The following DOCK7 variants were observed in gnomAD, a reference collection of about 807,000 sequenced individuals.
DOCK7 encodes the protein dedicator of cytokinesis 7, also known as dedicator of cytokinesis protein 7.
In DOCK7, 138 loss-of-function variants were observed where a neutral mutation model predicts 271.0. The observed-to-expected ratio is 0.51, with a 90% CI of 0.44 to 0.59. The LOEUF (loss-of-function observed/expected upper bound fraction) is 0.59. Among genes scored for constraint, DOCK7 ranks in the 20% least tolerant of loss-of-function variants. DOCK7 has a pLI of 0.00. For synonymous variants in DOCK7, 823 were observed against 876.1 expected, an observed-to-expected ratio of 0.94 and a Z score of 1.07; for missense variants, 2,066 against 2,592.4, an observed-to-expected ratio of 0.80 and a Z score of 4.41.
At chr1:62,489,541 A>G (rs934495193) in intron 41 of DOCK7, among the ~76,000 whole-genome samples, 9 of 152,232 alleles carry the variant, frequency 5.9e-5, no homozygotes, top group Non-Finnish European at 7.3e-5. Context: ...TTAAGGTTTA[A>G]TAAAAGAATT....
At chr1:62,562,907 T>C (rs1571555116) in intron 18 of DOCK7, among the ~76,000 whole-genome samples, 2 of 152,122 alleles carry the variant, frequency 1.3e-5, no homozygotes, top group African/African-American at 4.8e-5. Flanking sequence ...CTCGCCTCCC[T>C]ACACTGAATG....
chr1:62,601,078 T>C (rs112292619), intron 14 of DOCK7: 1 of 1,528,784 alleles, frequency 6.5e-7, no homozygotes, highest in South Asian at 1.1e-5. Flanking sequence ...TATTCTTTTA[T>C]CAGCTCAGAA....
intron 14 of DOCK7, among the ~76,000 whole-genome samples, chr1:62,594,179 C>A (rs764639664): frequency 4.9e-4 from 75 of 152,048 alleles, no homozygotes; most frequent in Non-Finnish European, 8.2e-4. Flanking sequence ...TAAATAGGCA[C>A]AAGTTCAAGC....
rs1016315956 is a variant in DOCK7, at chr1:62,485,476, G to A, written c.5508+1922C>T. ...AGATGGGGTTTTCCTGTAAGTTGGG[G>A]AGCAAGTTATCAATTCAAAGAGCCT... On this transcript the variant is annotated intron_variant, in intron 43 of 49. Transcript: ENST00000635253. 6 of 985,224 alleles carry A rather than the reference G, an allele frequency of 6.1e-6. No homozygotes were observed. In the South Asian group the frequency reaches 1.4e-4, roughly 23 times the overall value. 61.0% of individuals were successfully genotyped at this position (985,224 alleles called of 1,614,324 possible).
At chr1:62,475,637 A>T in intron 46 of DOCK7, 70 bp downstream of exon 46, 1 of 1,392,116 alleles carries the variant, frequency 7.2e-7, no homozygotes, top group Non-Finnish European at 1.0e-6. Flanking sequence ...CTTCTGGTAC[A>T]TCTGAGTTGT....
chr1:62,456,225 C>CT (rs1645344043), intron 49 of DOCK7, among the ~76,000 whole-genome samples: 1 of 152,152 alleles, frequency 6.6e-6, no homozygotes, highest in Non-Finnish European at 1.5e-5. Context: ...AGGGACTCCC[C>CT]TCTCATGGGT....
intron 46 of DOCK7, 118 bp downstream of exon 46, chr1:62,475,589 A>G (rs1159257493): frequency 1.8e-6 from 2 of 1,115,634 alleles, no homozygotes; most frequent in South Asian, 1.5e-5. Context: ...AAAATGGGTA[A>G]AGTTCTAATA....
Position 62,583,189 on chromosome 1 carries a change from AT to A in DOCK7, c.1865del (p.His622LeufsTer19). On this transcript the variant is annotated frameshift_variant, in exon 16 of 50. Transcript: ENST00000635253. LOFTEE classifies it high-confidence loss of function. Reference protein sequence around the residue: ...SKEAYTAVVYHNRSPDFHEEI... With the variant: ...SKEAYTAVVYXNRSPDFHEEI... ...GAAATATTTGAATTCAGTACCTGTT[AT>A]GATATACTACGGCTGTATAGGCTTC... The A allele has an allele frequency of 6.2e-7, 1 of 1,611,024 alleles. No individual in the cohort carries two copies. The highest frequency in any genetic ancestry group is 8.5e-7 in the Non-Finnish European group (1 of 1,177,562).
chr1:62,522,151 A>C (rs934709293), intron 31 of DOCK7, among the ~76,000 whole-genome samples: 4 of 152,116 alleles, frequency 2.6e-5, no homozygotes, highest in African/African-American at 9.7e-5. Flanking sequence ...GGAAGAGATA[A>C]TTCTAATCTT....
chr1:62,617,226 A>G (rs1201931943), intron 14 of DOCK7, among the ~76,000 whole-genome samples: 2 of 151,904 alleles, frequency 1.3e-5, no homozygotes, highest in East Asian at 1.9e-4. Flanking sequence ...TTGTTGATGT[A>G]TTTCACTGTA....
Position 62,648,466 on chromosome 1 carries a change from T to C in DOCK7, c.468A>G (p.Gln156=), listed in dbSNP as rs750226687. The change falls in exon 5 of 50, where the codon CAA becomes CAG. Residue 156 remains glutamine, a synonymous_variant. Coordinates refer to ENST00000635253, the MANE Select transcript of DOCK7 (RefSeq NM_001367561.1). ...CTGGAGCTTCATCAGATTCAAAAAC[T>C]TGTTTTGGCAAACCTTTTTGCCTTT... ...QKERQKGLPK[Q]VFESDEAPDG... The C allele has an allele frequency of 2.0e-4, 302 of 1,546,626 alleles. 1 individual carries two copies. Among genetic ancestry groups the C allele is most frequent in the Admixed American group, 4.5e-4 (25 of 55,350 alleles).
chr1:62,488,964 A>T lies in DOCK7; in HGVS notation c.5463T>A (p.Leu1821=), dbSNP rs201081054. The change falls in exon 42 of 50, where the codon CTT becomes CTA. Residue 1821 remains leucine, a synonymous_variant. Coordinates refer to ENST00000635253, the MANE Select transcript of DOCK7 (RefSeq NM_001367561.1). The stretch of plus-strand genomic sequence containing the variant: ...GAACAATTTTGCTGAATGCTTCTTG[A>T]AGTTTACCATGAATTGTGGATAGTT... ...AKKLSTIHGK[L]QEAFSKIVHQ... is the part of the protein sequence containing the mutation. The T allele has an allele frequency of 9.2e-5, 149 of 1,613,722 alleles. No individual in the cohort carries two copies. In the East Asian group the frequency reaches 3.2e-3, roughly 35 times the overall value.
intron 2 of DOCK7, among the ~76,000 whole-genome samples, chr1:62,657,839 T>C (rs1411786586): frequency 4.0e-5 from 6 of 151,632 alleles, no homozygotes; most frequent in African/African-American, 1.2e-4. Flanking sequence ...AAATAGAAAT[T>C]ATCCAATCTG....
At chr1:62,629,392 T>C (rs185129364) in intron 11 of DOCK7, 3 of 152,360 alleles carry the variant, frequency 2.0e-5, no homozygotes, top group Admixed American at 6.5e-5. Flanking sequence ...AGACTATCAT[T>C]TGGCAATAAA....
chr1:62,673,349 G>A lies in DOCK7; in HGVS notation c.39-10219C>T, dbSNP rs547189767. Among the ~76,000 whole-genome samples the A allele has an allele frequency of 3.3e-5, 5 of 152,188 alleles. No individual in the cohort carries two copies. The East Asian group carries it at 5.8e-4, about 18-fold the overall frequency. ...AATTATTTTTACATTAGAAAGCACTGTATTAAGGAGACTTGGATGGCTCTA... is the reference window on the plus strand; with the variant it reads ...AATTATTTTTACATTAGAAAGCACTATATTAAGGAGACTTGGATGGCTCTA... On this transcript the variant is annotated intron_variant, in intron 1 of 49. Coordinates refer to ENST00000635253, the MANE Select transcript of DOCK7 (RefSeq NM_001367561.1).
Position 62,625,183 on chromosome 1 carries a change from C to T in DOCK7, c.1425+76G>A. ...ATCACCCTCCCATACATGTATAGTA[C>T]AATCACTACCTTTCTGAAATTAAAA... On this transcript the variant is annotated intron_variant, in intron 12 of 49. Transcript: ENST00000635253. 2.7e-6 allele frequency: 4 copies of T among 1,482,084 alleles called. No individual in the cohort carries two copies. In the South Asian group the frequency reaches 5.0e-5, roughly 18 times the overall value. The allele number at this position is 1,482,084 out of a possible 1,614,324, so 91.8% of individuals were successfully genotyped here. A position where few individuals can be genotyped will look rare whatever the true frequency, so the allele number is the denominator to read the frequency against.
chr1:62,468,616 T>A (rs138172567), intron 48 of DOCK7, among the ~76,000 whole-genome samples: 1 of 152,162 alleles, frequency 6.6e-6, no homozygotes, highest in African/African-American at 2.4e-5. Context: ...AAAGATGAAG[T>A]CAAGCTGTCA....
intron 18 of DOCK7, among the ~76,000 whole-genome samples, chr1:62,564,015 A>C (rs541922594): frequency 3.9e-5 from 6 of 152,138 alleles, no homozygotes; most frequent in Non-Finnish European, 7.4e-5. Flanking sequence ...CAATAACAAG[A>C]GCTAACTAAC....
Position 62,491,224 on chromosome 1 carries a change from G to A in DOCK7, c.5361+1480C>T, listed in dbSNP as rs550660281. Among the ~76,000 whole-genome samples the A allele has an allele frequency of 4.6e-5, 7 of 152,296 alleles. No individual in the cohort carries two copies. The South Asian group carries it at 1.4e-3, about 32-fold the overall frequency. ...ATCTACCCTTTATCAATATATTGCA[G>A]GATAGGGATAAGGCCTGGTGAAGAA... On this transcript the variant is annotated intron_variant, in intron 41 of 49. Coordinates refer to ENST00000635253, the MANE Select transcript of DOCK7 (RefSeq NM_001367561.1).
Sources: allele counts gnomAD v4.1 joint callset (sites outside exome capture counted in the v4.1 genomes callset), GRCh38; gene constraint gnomAD v4.1.1; transcripts MANE v1.5; gene names NCBI Gene and HGNC (gene_info 2026-07-23, HGNC 2026-07-21).